CSMD1: variants seen among roughly 807,000 people sequenced by gnomAD.
The protein encoded by CSMD1 is CUB and sushi domain-containing protein 1.
In CSMD1, 213 loss-of-function variants were observed where a neutral mutation model predicts 417.5. The observed-to-expected ratio is 0.51, with a 90% confidence interval of 0.46 to 0.57. The LOEUF (loss-of-function observed/expected upper bound fraction) is 0.57. CSMD1 is among the 20% of genes least tolerant of loss of function. The probability of loss-of-function intolerance (pLI) is 0.00; values close to 1 mark genes in which losing one functional copy is unlikely to be tolerated. For missense variants in CSMD1, 6,923 were observed against 4,529.7 expected (o/e 1.53, Z -15.17); for synonymous variants, 2,862 against 1,736.8 (o/e 1.65, Z -16.11).
At chr8:4,674,267 T>C (rs376893645) in intron 1 of CSMD1, among the ~76,000 whole-genome samples, 1 of 152,046 alleles carries the variant, frequency 6.6e-6, no homozygotes, top group Admixed American at 6.6e-5. Context: ...CGGGAGGTTA[T>C]GTTGAGTCTG....
At chr8:3,647,159 C>T (rs1380997181) in intron 7 of CSMD1, among the ~76,000 whole-genome samples, 1 of 152,052 alleles carries the variant, frequency 6.6e-6, no homozygotes, top group Non-Finnish European at 1.5e-5. Context: ...GTGGATGGTC[C>T]TCCGGTGCAA....
At position 3,508,548 on chromosome 8, in the gene CSMD1, A is replaced by G. The variant is rs570452598; in HGVS notation, c.1345-14822T>C. On this transcript the variant is annotated intron_variant, in intron 10 of 69. Transcript: ENST00000635120. ...ATAGAATATTTTTTAAAGAAATACT[A>G]AACACTAAGAATGAAAAGATTCAGA... 3.3e-5 allele frequency among the ~76,000 whole-genome samples: 5 copies of G among 152,152 alleles called. No homozygotes were observed. In the South Asian group the frequency reaches 8.3e-4, roughly 25 times the overall value.
intron 3 of CSMD1, among the ~76,000 whole-genome samples, chr8:4,335,831 G>A (rs904433755): frequency 6.6e-6 from 1 of 152,026 alleles, no homozygotes; most frequent in Non-Finnish European, 1.5e-5. Context: ...CTCAGCCCAG[G>A]GGTTGATTGG....
intron 7 of CSMD1, among the ~76,000 whole-genome samples, chr8:3,653,062 C>T (rs1401824612): frequency 1.3e-5 from 2 of 152,114 alleles, no homozygotes; most frequent in Non-Finnish European, 2.9e-5. Context: ...GAAAACAGCA[C>T]TCAGTAAAGA....
In CSMD1 at chr8:3,275,110, TTAGTGAAGGCCTGG is replaced by T. The variant is rs769996226; in HGVS notation, c.4153+9020_4153+9033del. Reference sequence around the variant, plus strand: ...TTTAGCGCTTCCTTCAGGAGCTCTGTTAGTGAAGGCCTGGTAGTGACAAAATCTCTCAGCATTTG... The same window carrying T: ...TTTAGCGCTTCCTTCAGGAGCTCTGTTAGTGACAAAATCTCTCAGCATTTG... On this transcript the variant is annotated intron_variant, in intron 26 of 69. Coordinates refer to ENST00000635120, the MANE Select transcript of CSMD1 (RefSeq NM_033225.6). Among the ~76,000 whole-genome samples, 44 of 152,324 alleles carry T rather than the reference TTAGTGAAGGCCTGG, an allele frequency of 2.9e-4. No homozygotes were observed. The East Asian group carries it at 6.4e-3, about 22-fold the overall frequency.
intron 7 of CSMD1, among the ~76,000 whole-genome samples, chr8:3,678,284 T>A (rs1056136134): frequency 3.3e-5 from 5 of 152,096 alleles, no homozygotes; most frequent in African/African-American, 7.2e-5. Flanking sequence ...AGTTAAAAAC[T>A]TTGAAAAATG....
At chr8:4,931,213 C>G (rs1350428281) in intron 1 of CSMD1, among the ~76,000 whole-genome samples, 1 of 152,122 alleles carries the variant, frequency 6.6e-6, no homozygotes, top group African/African-American at 2.4e-5. Context: ...ATATAACTCA[C>G]TCCCCTTTTT....
At chr8:2,969,728 G>A (rs900987605) in intron 57 of CSMD1, among the ~76,000 whole-genome samples, 9 of 152,164 alleles carry the variant, frequency 5.9e-5, no homozygotes, top group African/African-American at 1.9e-4. Context: ...TCACACTTCA[G>A]TGATTTGGAC....
At chr8:4,045,859 A>C (rs1281291314) in intron 3 of CSMD1, among the ~76,000 whole-genome samples, 1 of 152,050 alleles carries the variant, frequency 6.6e-6, no homozygotes, top group Admixed American at 6.6e-5. Context: ...CTGGCACTGC[A>C]TTATTTTTTT....
At chr8:3,744,020 C>G (rs2720845) in intron 6 of CSMD1, among the ~76,000 whole-genome samples, 1 of 152,202 alleles carries the variant, frequency 6.6e-6, no homozygotes, top group Non-Finnish European at 1.5e-5. Flanking sequence ...TCTCAATATC[C>G]TGCCCTTTCC....
At chr8:3,874,763 C>A (rs35003539) in intron 5 of CSMD1, among the ~76,000 whole-genome samples, 1 of 151,914 alleles carries the variant, frequency 6.6e-6, no homozygotes, top group Non-Finnish European at 1.5e-5. Context: ...ATGTCTGTGA[C>A]GGGGAAGGAC....
rs1051527899 is a variant in CSMD1, at chr8:4,045,451, G to C, written c.416-13352C>G. On this transcript the variant is annotated intron_variant, in intron 3 of 69. Transcript: ENST00000635120. The stretch of plus-strand genomic sequence containing the variant: ...AGTAGAAATGACTGCTGAGAACGTC[G>C]GAAGGGCCACTGGTGCTGGGGTCAG... Among the ~76,000 whole-genome samples, 5 of 152,274 alleles carry C rather than the reference G, an allele frequency of 3.3e-5. 1 individual carries two copies. The highest frequency in any genetic ancestry group is 6.8e-3 in the Middle Eastern group (2 of 294).
At chr8:3,873,322 G>C (rs190166381) in intron 5 of CSMD1, among the ~76,000 whole-genome samples, 15 of 151,996 alleles carry the variant, frequency 9.9e-5, no homozygotes, top group Non-Finnish European at 1.9e-4. Flanking sequence ...ATCAGCTGTA[G>C]AATGGATAAA....
chr8:4,949,525 G>T (rs530850884), intron 1 of CSMD1, among the ~76,000 whole-genome samples: 1 of 152,148 alleles, frequency 6.6e-6, no homozygotes, highest in Non-Finnish European at 1.5e-5. Flanking sequence ...GGGATATGCT[G>T]CAATGTCCAG....
intron 2 of CSMD1, among the ~76,000 whole-genome samples, chr8:4,518,629 G>A (rs557723945): frequency 3.7e-5 from 5 of 136,194 alleles, no homozygotes; most frequent in Admixed American, 1.5e-4. Context: ...GGTGGGGGGC[G>A]GGGGGAGGAA....
intron 53 of CSMD1, among the ~76,000 whole-genome samples, chr8:2,998,922 T>C (rs935337054): frequency 6.6e-6 from 1 of 152,224 alleles, no homozygotes; most frequent in Admixed American, 6.5e-5. Flanking sequence ...TGTACATTTT[T>C]CACATCACTA....
At chr8:3,453,542 T>G (rs1585187514) in intron 12 of CSMD1, among the ~76,000 whole-genome samples, 1 of 152,346 alleles carries the variant, frequency 6.6e-6, no homozygotes, top group East Asian at 1.9e-4. Context: ...AAAGAACATC[T>G]TTATTTCTAC....
At chr8:4,747,029 A>G (rs1430243361) in intron 1 of CSMD1, among the ~76,000 whole-genome samples, 2 of 152,162 alleles carry the variant, frequency 1.3e-5, no homozygotes. Context: ...GAAGCCACTG[A>G]GTAGGGAGGG....
At chr8:4,115,602 A>C (rs1356720800) in intron 3 of CSMD1, among the ~76,000 whole-genome samples, 1 of 152,186 alleles carries the variant, frequency 6.6e-6, no homozygotes, top group Non-Finnish European at 1.5e-5. Flanking sequence ...TTTTTAAATA[A>C]ATATATACGT....
Sources: gnomAD v4.1 joint callset for allele counts (sites outside exome capture counted in the v4.1 genomes callset) on GRCh38, gnomAD v4.1.1 for gene constraint, MANE v1.5 for transcripts, NCBI Gene and HGNC (gene_info 2026-07-23, HGNC 2026-07-21) for gene names.